Variants in NME8 observed in about 807,000 individuals in gnomAD.
The protein encoded by NME8 is protein NME8.
NME8 carries 72 observed loss-of-function variants against 82.3 expected under a neutral mutation model. The observed-to-expected ratio is 0.87, with a 90% CI of 0.72 to 1.06. The LOEUF (loss-of-function observed/expected upper bound fraction) is 1.06, where lower values mean the gene tolerates loss of function less well. Ranked by LOEUF, NME8 falls within the 50% of genes least tolerant of loss-of-function variation. The pLI, the probability that NME8 is intolerant of heterozygous loss-of-function variation, is 0.00. For missense variants in NME8, 712 were observed against 685.4 expected (o/e 1.04, Z -0.43); for synonymous variants, 267 against 228.5 (o/e 1.17, Z -1.52).
At chr7:37,850,526 A>C in intron 4 of NME8, 91 bp downstream of exon 4, 1 of 1,549,198 alleles carries the variant, frequency 6.5e-7, no homozygotes, top group Non-Finnish European at 8.9e-7. Flanking sequence ...ACTTTGACCA[A>C]GAAATCCTGC....
At chr7:37,854,348 C>A (rs2167265) in intron 5 of NME8, among the ~76,000 whole-genome samples, 138,490 of 152,128 alleles carry the variant, frequency 0.91, 63,312 homozygotes, top group Middle Eastern at 0.96. Context: ...GAGGAGGAGA[C>A]GAAGGAAGAG....
chr7:37,897,101 C>G lies in NME8; in HGVS notation c.*9C>G. ...ATCCTGAGGAAAACTAAAGTATATACTGTGAAGTACGTACCTGTTTAATTA... is the reference window on the plus strand; with the variant it reads ...ATCCTGAGGAAAACTAAAGTATATAGTGTGAAGTACGTACCTGTTTAATTA... On this transcript the variant is annotated 3_prime_UTR_variant, in exon 17 of 18. Coordinates refer to ENST00000199447, the MANE Select transcript of NME8 (RefSeq NM_016616.5). 6.5e-7 allele frequency: 1 copy of G among 1,539,778 alleles called. No individual in the cohort carries two copies. Among genetic ancestry groups the G allele is most frequent in the South Asian group, 1.1e-5 (1 of 89,546 alleles).
At position 37,855,638 on chromosome 7, in the gene NME8, C is replaced by T. The variant is rs190332906; in HGVS notation, c.199-1636C>T. 1.9e-3 allele frequency among the ~76,000 whole-genome samples: 292 copies of T among 152,328 alleles called. 1 individual carries two copies. The highest frequency in any genetic ancestry group is 6.7e-3 in the African/African-American group (280 of 41,586). Reference sequence around the variant, plus strand: ...TTTTCTGCTGTCTCTTGGTCAGCAGCAGCTGCTTCTCCTGATATGTTAATA... The same window carrying T: ...TTTTCTGCTGTCTCTTGGTCAGCAGTAGCTGCTTCTCCTGATATGTTAATA... On this transcript the variant is annotated intron_variant, in intron 5 of 17. Coordinates refer to ENST00000199447, the MANE Select transcript of NME8 (RefSeq NM_016616.5).
At chr7:37,863,176 A>G (rs1251381717) in intron 7 of NME8, among the ~76,000 whole-genome samples, 1 of 152,162 alleles carries the variant, frequency 6.6e-6, no homozygotes, top group Non-Finnish European at 1.5e-5. Context: ...TTCATACTGC[A>G]CATATGCATT....
At chr7:37,898,409 A>G (rs73691383) in intron 17 of NME8, among the ~76,000 whole-genome samples, 12,950 of 152,226 alleles carry the variant, frequency 0.085, 1,174 homozygotes, top group African/African-American at 0.21. Context: ...ACTCAAACAT[A>G]TACTTGTACA....
At chr7:37,876,225 T>TATATATAG in intron 11 of NME8, among the ~76,000 whole-genome samples, 1 of 128,888 alleles carries the variant, frequency 7.8e-6, no homozygotes, top group Admixed American at 7.5e-5. Flanking sequence ...ACTATATATA[T>TATATATAG]ATATATAGAT....
intron 6 of NME8, among the ~76,000 whole-genome samples, chr7:37,858,998 G>C (rs773006918): frequency 6.6e-5 from 10 of 151,982 alleles, no homozygotes; most frequent in Non-Finnish European, 1.3e-4. Context: ...ATGACATGCT[G>C]TCTCCCTTTC....
chr7:37,890,216 AG>A (rs1337333929), intron 15 of NME8, among the ~76,000 whole-genome samples: 1 of 151,992 alleles, frequency 6.6e-6, no homozygotes, highest in East Asian at 1.9e-4. Flanking sequence ...AAATCCATAA[AG>A]GCAGATTTGT....
chr7:37,890,013 T>C (rs1048678038), intron 15 of NME8, among the ~76,000 whole-genome samples: 8 of 152,056 alleles, frequency 5.3e-5, no homozygotes, highest in Non-Finnish European at 1.0e-4. Context: ...CTATTCATGG[T>C]AAATTTAGTT....
chr7:37,898,727 T>G (rs1281546600), intron 17 of NME8, among the ~76,000 whole-genome samples: 1 of 152,190 alleles, frequency 6.6e-6, no homozygotes, highest in Non-Finnish European at 1.5e-5. Flanking sequence ...AATTGTAAGT[T>G]ATTCCTTAAT....
At chr7:37,860,300 T>G (rs563550244) in intron 6 of NME8, among the ~76,000 whole-genome samples, 1 of 152,330 alleles carries the variant, frequency 6.6e-6, no homozygotes, top group Non-Finnish European at 1.5e-5. Context: ...TAATTTTACT[T>G]CTTTTCTTTT....
intron 14 of NME8, among the ~76,000 whole-genome samples, chr7:37,887,758 G>A (rs1044180698): frequency 6.6e-6 from 1 of 152,140 alleles, no homozygotes; most frequent in Non-Finnish European, 1.5e-5. Flanking sequence ...GGAAGCCTCA[G>A]GAAACTTATA....
In NME8 at chr7:37,849,047, C is replaced by A. The variant is rs188939383; in HGVS notation, c.-17C>A. 6 of 152,476 alleles carry A rather than the reference C, an allele frequency of 3.9e-5. No homozygotes were observed. The East Asian group carries it at 1.2e-3, about 29-fold the overall frequency. 9.4% of individuals were successfully genotyped at this position (152,476 alleles called of 1,614,324 possible). On this transcript the variant is annotated 5_prime_UTR_variant, in exon 2 of 18. Coordinates refer to ENST00000199447, the MANE Select transcript of NME8 (RefSeq NM_016616.5). The stretch of plus-strand genomic sequence containing the variant: ...CGTCCCAGTCTAGCTTAGAGGAGGA[C>A]CTGTTTTGTGTAAGGCTTGCCGGAG...
At chr7:37,889,692 A>AT (rs1386135404) in intron 15 of NME8, among the ~76,000 whole-genome samples, 4 of 152,026 alleles carry the variant, frequency 2.6e-5, no homozygotes, top group Admixed American at 6.6e-5. Flanking sequence ...AAAAGCTTGC[A>AT]TTTTTTTGAA....
chr7:37,852,267 C>T (rs1784448516), intron 5 of NME8, among the ~76,000 whole-genome samples: 1 of 152,154 alleles, frequency 6.6e-6, no homozygotes, highest in Admixed American at 6.6e-5. Context: ...CCTATCCCCA[C>T]ACTCTCATAG....
intron 17 of NME8, among the ~76,000 whole-genome samples, chr7:37,898,894 T>TA (rs1227058042): frequency 6.6e-6 from 1 of 151,928 alleles, no homozygotes; most frequent in South Asian, 2.1e-4. Context: ...ATTGCCAGGA[T>TA]AAAAAAAATA....
At chr7:37,900,028 A>C (rs1264060895) in intron 17 of NME8, among the ~76,000 whole-genome samples, 7 of 152,232 alleles carry the variant, frequency 4.6e-5, no homozygotes, top group Non-Finnish European at 1.0e-4. Context: ...TAATATTTTT[A>C]ACCCTGTCAC....
rs564542179 is a variant in NME8, at chr7:37,893,530, A to G, written c.1400-936A>G. Among the ~76,000 whole-genome samples the G allele has an allele frequency of 2.6e-5, 4 of 152,220 alleles. 1 individual carries two copies. The highest frequency in any genetic ancestry group is 9.6e-5 in the African/African-American group (4 of 41,554). ...CTTCTTCCTGCCCTCTGCACTTGGC[A>G]TACATTACTCACTCTGCCTGCAATG... On this transcript the variant is annotated intron_variant, in intron 15 of 17. Transcript: ENST00000199447.
chr7:37,897,897 T>C (rs774022921), intron 17 of NME8, among the ~76,000 whole-genome samples: 21 of 152,222 alleles, frequency 1.4e-4, no homozygotes. Flanking sequence ...ATCCAGTCTA[T>C]CGCTGATGGG....
Sources: allele counts gnomAD v4.1 joint callset (sites outside exome capture counted in the v4.1 genomes callset), GRCh38; gene constraint gnomAD v4.1.1; transcripts MANE v1.5; gene names NCBI Gene and HGNC (gene_info 2026-07-23, HGNC 2026-07-21).